Variants in PSD2 observed in about 807,000 individuals in gnomAD.
PSD2 encodes pleckstrin and Sec7 domain containing 2, also known as PH and SEC7 domain-containing protein 2.
A neutral mutation model predicts 69.8 loss-of-function variants in PSD2; 38 were observed. The ratio of observed to expected loss-of-function variants is 0.54; its 90% CI spans 0.42 to 0.71. The LOEUF (loss-of-function observed/expected upper bound fraction) is 0.71. Among genes scored for constraint, PSD2 ranks in the 30% least tolerant of loss-of-function variants. The pLI is 0.00. For synonymous variants in PSD2, 412 were observed against 423.0 expected (o/e 0.97, Z 0.32); for missense variants, 943 against 1,014.5 (o/e 0.93, Z 0.96).
intron 5 of PSD2, among the ~76,000 whole-genome samples, chr5:139,820,831 G>A (rs533884414): frequency 6.6e-6 from 1 of 152,018 alleles, no homozygotes; most frequent in African/African-American, 2.4e-5. Flanking sequence ...GGTGTAGCAG[G>A]CGGGTATGAG....
the PSD2 span, among the ~76,000 whole-genome samples, chr5:139,774,104 C>T: frequency 8.8e-4 from 133 of 151,946 alleles, 1 homozygote; most frequent in East Asian, 0.019. Context: ...GGATTAGAGG[C>T]GTGAGCCGCA....
the PSD2 span, among the ~76,000 whole-genome samples, chr5:139,766,828 C>CTTCTTTCTTTCCTTCTTTCT: frequency 1.8e-4 from 16 of 87,806 alleles, no homozygotes; most frequent in African/African-American, 5.4e-4. Flanking sequence ...AAGTCCCTTC[C>CTTCTTTCTTTCCTTCTTTCT]TTCTTTCTTT....
At chr5:139,795,573 C>G (rs1016489050), upstream of PSD2, among the ~76,000 whole-genome samples, 6 of 152,212 alleles carry the variant, frequency 3.9e-5, no homozygotes, top group South Asian at 2.1e-4. The surrounding 1 kb of genome is among the most constrained non-coding windows in gnomAD (Gnocchi z 4.5). Context: ...CCCCTCCCCC[C>G]CTTTCTTAAA....
At chr5:139,744,110 A>G in the PSD2 span, among the ~76,000 whole-genome samples, 8 of 152,150 alleles carry the variant, frequency 5.3e-5, no homozygotes, top group African/African-American at 1.9e-4. Context: ...GAGGCCTGGG[A>G]CACTGGCCTG....
chr5:139,757,238 T>A, the PSD2 span, among the ~76,000 whole-genome samples: 1 of 152,140 alleles, frequency 6.6e-6, no homozygotes, highest in East Asian at 1.9e-4. Context: ...GTGGGCTGGG[T>A]GGGCAGTGGG....
At chr5:139,762,182 A>G in the PSD2 span, among the ~76,000 whole-genome samples, 2 of 152,006 alleles carry the variant, frequency 1.3e-5, no homozygotes, top group Admixed American at 6.5e-5. Flanking sequence ...AGCTAGGACT[A>G]TAGGTGTGCA....
At chr5:139,751,948 A>G in the PSD2 span, among the ~76,000 whole-genome samples, 1 of 151,964 alleles carries the variant, frequency 6.6e-6, no homozygotes, top group Non-Finnish European at 1.5e-5. Flanking sequence ...ATGTGTCACC[A>G]TGCCCGGCTA....
the PSD2 span, among the ~76,000 whole-genome samples, chr5:139,759,178 T>C: frequency 1.3e-5 from 2 of 152,048 alleles, no homozygotes; most frequent in African/African-American, 4.8e-5. Context: ...TCCTGGGGAG[T>C]TCCTGCCTGT....
chr5:139,839,968 T>A lies in PSD2; in HGVS notation c.1969-59T>A. ...GAGCAGCTCCTGGTAGAACAGGATTTGAGCCACTCCGTGACATCCTGAGAG... is the reference window on the plus strand; with the variant it reads ...GAGCAGCTCCTGGTAGAACAGGATTAGAGCCACTCCGTGACATCCTGAGAG... On this transcript the variant is annotated intron_variant, in intron 13 of 14. Coordinates refer to ENST00000274710, the MANE Select transcript of PSD2 (RefSeq NM_032289.4). The surrounding 1 kb of genome is among the most constrained non-coding windows in gnomAD (Gnocchi z 5.1). 8.2e-6 allele frequency: 13 copies of A among 1,593,852 alleles called. No individual in the cohort carries two copies. Among genetic ancestry groups the A allele is most frequent in the Non-Finnish European group, 1.0e-5 (12 of 1,165,170 alleles).
chr5:139,799,984 G>A (rs1759628513), intron 1 of PSD2, among the ~76,000 whole-genome samples: 1 of 152,122 alleles, frequency 6.6e-6, no homozygotes, highest in South Asian at 2.1e-4. Flanking sequence ...CCCCAACTGT[G>A]GCCCCCTTGC....
chr5:139,811,827 T>G (rs905800755), intron 2 of PSD2, among the ~76,000 whole-genome samples: 4 of 152,172 alleles, frequency 2.6e-5, no homozygotes, highest in African/African-American at 9.7e-5. Flanking sequence ...TCTCCTGACC[T>G]CGTGATCCAC....
At chr5:139,816,038 A>G (rs967888270) in intron 4 of PSD2, among the ~76,000 whole-genome samples, 1 of 151,936 alleles carries the variant, frequency 6.6e-6, no homozygotes, top group East Asian at 1.9e-4. Context: ...ACAAACACGA[A>G]AGCAGAGGAA....
the PSD2 span, chr5:139,772,583 C>A: frequency 6.6e-6 from 1 of 152,586 alleles, no homozygotes; most frequent in African/African-American, 2.4e-5. Flanking sequence ...GCATGCCACA[C>A]TCATGCCCAG....
chr5:139,808,193 T>G (rs1346876352), intron 1 of PSD2, among the ~76,000 whole-genome samples: 1 of 152,070 alleles, frequency 6.6e-6, no homozygotes, highest in Non-Finnish European at 1.5e-5. Context: ...CCAGGGCATT[T>G]GGAGGGGCTG....
At chr5:139,786,292 T>C in the PSD2 span, among the ~76,000 whole-genome samples, 3 of 151,378 alleles carry the variant, frequency 2.0e-5, no homozygotes, top group African/African-American at 4.9e-5. Flanking sequence ...GGCAGAGAGG[T>C]GGGGGGATCA....
intron 6 of PSD2, among the ~76,000 whole-genome samples, chr5:139,822,345 G>A (rs1034974219): frequency 1.7e-4 from 26 of 152,330 alleles, no homozygotes; most frequent in African/African-American, 6.3e-4. Flanking sequence ...CTTAGGGACA[G>A]GACTTGCCCA....
At chr5:139,766,911 T>TTC in the PSD2 span, among the ~76,000 whole-genome samples, 11 of 31,044 alleles carry the variant, frequency 3.5e-4, no homozygotes, top group East Asian at 1.8e-3. Context: ...TTCCCTCCCT[T>TTC]CCTTCCTTCC....
the PSD2 span, among the ~76,000 whole-genome samples, chr5:139,743,046 G>C: frequency 1.3e-5 from 2 of 152,218 alleles, no homozygotes; most frequent in Non-Finnish European, 2.9e-5. Flanking sequence ...GATTATTTCG[G>C]TATGTGTCAT....
chr5:139,812,017 T>C (rs1363499527), intron 2 of PSD2, among the ~76,000 whole-genome samples: 1 of 152,176 alleles, frequency 6.6e-6, no homozygotes, highest in Non-Finnish European at 1.5e-5. Context: ...CTTCCTTCCC[T>C]GTGTACCTGC....
Sources: allele counts gnomAD v4.1 joint callset (sites outside exome capture counted in the v4.1 genomes callset), GRCh38; gene constraint gnomAD v4.1.1; non-coding constraint Gnocchi (gnomAD v3.1); transcripts MANE v1.5; gene names NCBI Gene and HGNC (gene_info 2026-07-23, HGNC 2026-07-21).